TMEM117: variants seen among roughly 807,000 people sequenced by gnomAD.
The protein encoded by TMEM117 is transmembrane protein 117.
A neutral mutation model predicts 52.4 loss-of-function variants in TMEM117; 27 were observed. The ratio of observed to expected loss-of-function variants is 0.51; its 90% confidence interval spans 0.38 to 0.71. The LOEUF is 0.71. Among genes scored for constraint, TMEM117 ranks in the 30% least tolerant of loss-of-function variants. TMEM117 has a pLI of 0.00. For synonymous variants in TMEM117, 215 were observed against 206.3 expected, an observed-to-expected ratio of 1.04 and a Z score of -0.36; for missense variants, 556 against 630.5, an observed-to-expected ratio of 0.88 and a Z score of 1.26.
chr12:44,093,180 T>A (rs897663443), intron 3 of TMEM117, among the ~76,000 whole-genome samples: 1 of 152,110 alleles, frequency 6.6e-6, no homozygotes, highest in African/African-American at 2.4e-5. Context: ...TTTTTTTCAG[T>A]GTCTGGTCAA....
At chr12:43,952,632 T>C (rs1008491747) in intron 3 of TMEM117, among the ~76,000 whole-genome samples, 1 of 151,988 alleles carries the variant, frequency 6.6e-6, no homozygotes, top group Non-Finnish European at 1.5e-5. Flanking sequence ...CTCCAAGAAT[T>C]ATGGGACTAT....
intron 3 of TMEM117, among the ~76,000 whole-genome samples, chr12:44,013,622 A>G (rs1946329349): frequency 6.6e-6 from 1 of 152,168 alleles, no homozygotes; most frequent in South Asian, 2.1e-4. Context: ...GCCTGGAGAT[A>G]AGACTCACAG....
chr12:43,917,705 A>C (rs1242593218), intron 2 of TMEM117, among the ~76,000 whole-genome samples: 1 of 152,164 alleles, frequency 6.6e-6, no homozygotes, highest in East Asian at 1.9e-4. Flanking sequence ...TGAATTTTCA[A>C]ACCAATTCTT....
chr12:44,140,013 A>G (rs1948548830), intron 3 of TMEM117, among the ~76,000 whole-genome samples: 1 of 152,194 alleles, frequency 6.6e-6, no homozygotes. Context: ...CAAAGCAGCA[A>G]AAATAAGAAT....
intron 5 of TMEM117, among the ~76,000 whole-genome samples, chr12:44,222,089 A>G (rs1405684213): frequency 2.0e-5 from 3 of 152,138 alleles, no homozygotes; most frequent in Admixed American, 1.3e-4. Context: ...GATGGTCTCA[A>G]CTGTTCATTT....
intron 6 of TMEM117, among the ~76,000 whole-genome samples, chr12:44,312,870 AT>A (rs1242824568): frequency 6.6e-6 from 1 of 152,032 alleles, no homozygotes; most frequent in Non-Finnish European, 1.5e-5. Context: ...GATGATGAGC[AT>A]TTTTTCATAA....
the TMEM117 span, among the ~76,000 whole-genome samples, chr12:43,825,553 A>G: frequency 5.9e-5 from 9 of 152,218 alleles, no homozygotes; most frequent in African/African-American, 1.9e-4. Context: ...TTTGGTTGGC[A>G]AATCCAATGA....
chr12:44,082,718 A>T (rs376581176), intron 3 of TMEM117, among the ~76,000 whole-genome samples: 2 of 152,292 alleles, frequency 1.3e-5, no homozygotes, highest in East Asian at 1.9e-4. Context: ...ACATGAAAGT[A>T]TGTTATGCAA....
At chr12:44,050,254 G>T (rs1385034171) in intron 3 of TMEM117, among the ~76,000 whole-genome samples, 2 of 152,204 alleles carry the variant, frequency 1.3e-5, no homozygotes, top group East Asian at 3.8e-4. Context: ...TTGGCTCACT[G>T]CAACCTCTGC....
chr12:44,284,330 A>C (rs1950613211), intron 5 of TMEM117, among the ~76,000 whole-genome samples: 1 of 152,072 alleles, frequency 6.6e-6, no homozygotes, highest in African/African-American at 2.4e-5. Flanking sequence ...ACAACAAAAA[A>C]AGTGACTTTC....
At chr12:44,366,269 C>CA (rs1951787819) in intron 6 of TMEM117, among the ~76,000 whole-genome samples, 1 of 151,998 alleles carries the variant, frequency 6.6e-6, no homozygotes, top group Non-Finnish European at 1.5e-5. Context: ...TAAAGATAGG[C>CA]AACTGCTAAC....
chr12:43,858,987 T>G (rs1943443538), intron 2 of TMEM117, among the ~76,000 whole-genome samples: 1 of 152,060 alleles, frequency 6.6e-6, no homozygotes, highest in African/African-American at 2.4e-5. Context: ...GGGCAAGAAG[T>G]CAAACCGAAG....
intron 5 of TMEM117, among the ~76,000 whole-genome samples, chr12:44,285,175 C>G (rs1005752676): frequency 1.3e-5 from 2 of 152,182 alleles, no homozygotes; most frequent in Non-Finnish European, 2.9e-5. Flanking sequence ...TTTCAGCCAC[C>G]TCTTTTATGG....
At chr12:43,892,661 G>T (rs1484239924) in intron 2 of TMEM117, among the ~76,000 whole-genome samples, 1 of 152,060 alleles carries the variant, frequency 6.6e-6, no homozygotes, top group African/African-American at 2.4e-5. Flanking sequence ...TTTCCTTCTG[G>T]AAATTCCAGA....
chr12:44,242,653 T>C (rs1216718345), intron 5 of TMEM117, among the ~76,000 whole-genome samples: 2 of 147,588 alleles, frequency 1.4e-5, no homozygotes, highest in Non-Finnish European at 3.0e-5. Context: ...CTATATATAT[T>C]ATATTATATC....
Position 44,053,899 on chromosome 12 carries a change from C to T in TMEM117, c.411-89626C>T, listed in dbSNP as rs144935292. ...AACATCTTATTATAGAATGAAAATG[C>T]AACAGAACTATTGCAACATGAATGT... On this transcript the variant is annotated intron_variant, in intron 3 of 7. Coordinates refer to ENST00000266534, the MANE Select transcript of TMEM117 (RefSeq NM_032256.3). Among the ~76,000 whole-genome samples, 4 of 152,230 alleles carry T rather than the reference C, an allele frequency of 2.6e-5. No homozygotes were observed. In the East Asian group the frequency reaches 7.7e-4, roughly 29 times the overall value.
At chr12:44,180,002 A>G (rs927704034) in intron 4 of TMEM117, among the ~76,000 whole-genome samples, 5 of 152,120 alleles carry the variant, frequency 3.3e-5, no homozygotes, top group African/African-American at 1.2e-4. Context: ...TCTAGGCAGA[A>G]GAAAATAAAA....
chr12:43,918,634 A>G (rs559233945), intron 2 of TMEM117, among the ~76,000 whole-genome samples: 14 of 152,308 alleles, frequency 9.2e-5, no homozygotes, highest in African/African-American at 3.1e-4. Flanking sequence ...TTTTTAAAAA[A>G]CATTAATTTG....
intron 3 of TMEM117, among the ~76,000 whole-genome samples, chr12:44,022,148 G>A (rs991508714): frequency 2.0e-5 from 3 of 152,152 alleles, no homozygotes; most frequent in Admixed American, 1.3e-4. Context: ...ACATTATTTA[G>A]TGAAACACTA....
Sources: allele counts gnomAD v4.1 joint callset (sites outside exome capture counted in the v4.1 genomes callset), GRCh38; gene constraint gnomAD v4.1.1; transcripts MANE v1.5; gene names NCBI Gene and HGNC (gene_info 2026-07-23, HGNC 2026-07-21).